The following MYO5B variants were observed in gnomAD, a reference collection of about 807,000 sequenced individuals.
The protein encoded by MYO5B is myosin VB, also known as unconventional myosin-Vb.
A neutral mutation model predicts 229.3 loss-of-function variants in MYO5B; 143 were observed. The ratio of observed to expected loss-of-function variants is 0.62; its 90% CI spans 0.54 to 0.72. The LOEUF is 0.72. Among genes scored for constraint, MYO5B ranks in the 30% least tolerant of loss-of-function variants. The probability of loss-of-function intolerance (pLI) is 0.00; values close to 1 mark genes in which losing one functional copy is unlikely to be tolerated. For synonymous variants in MYO5B, 918 were observed against 885.2 expected, an observed-to-expected ratio of 1.04 and a Z score of -0.66; for missense variants, 2,321 against 2,331.0, an observed-to-expected ratio of 1.00 and a Z score of 0.09.
At chr18:50,037,768 G>C (rs184127742) in intron 3 of MYO5B, among the ~76,000 whole-genome samples, 1 of 152,240 alleles carries the variant, frequency 6.6e-6, no homozygotes. Flanking sequence ...TGGTGGCATG[G>C]ACCTGTAGTC....
In MYO5B at chr18:49,925,737, A is replaced by G. The variant is rs148086366; in HGVS notation, c.2090+3775T>C. Among the ~76,000 whole-genome samples the G allele has an allele frequency of 4.1e-3, 622 of 152,356 alleles. 5 individuals are homozygous for G. Among genetic ancestry groups the G allele is most frequent in the African/African-American group, 0.015 (603 of 41,580 alleles). Reference sequence around the variant, plus strand: ...GCCCGTGGAAGATGGTTTGAAAACAAGTAGCTCCGCAGCTCCCTAAGGTCC... The same window carrying G: ...GCCCGTGGAAGATGGTTTGAAAACAGGTAGCTCCGCAGCTCCCTAAGGTCC... On this transcript the variant is annotated intron_variant, in intron 17 of 39. Transcript: ENST00000285039.
At chr18:49,862,666 T>C (rs1477833387) in intron 29 of MYO5B, among the ~76,000 whole-genome samples, 1 of 152,180 alleles carries the variant, frequency 6.6e-6, no homozygotes, top group African/African-American at 2.4e-5. Context: ...TAACCCTGGC[T>C]CAGCTTATTT....
At chr18:50,089,938 C>T (rs113456799) in intron 1 of MYO5B, among the ~76,000 whole-genome samples, 6 of 152,232 alleles carry the variant, frequency 3.9e-5, no homozygotes, top group South Asian at 2.1e-4. Flanking sequence ...TTTTCGAAGG[C>T]TACATGAATG....
intron 27 of MYO5B, among the ~76,000 whole-genome samples, chr18:49,864,849 T>C (rs1329416956): frequency 2.0e-5 from 3 of 152,230 alleles, no homozygotes; most frequent in Non-Finnish European, 4.4e-5. Context: ...GGAAGCATCA[T>C]TTTTGTCCCG....
intron 1 of MYO5B, among the ~76,000 whole-genome samples, chr18:50,153,795 AAGTG>A (rs546233830): frequency 3.9e-5 from 6 of 152,070 alleles, no homozygotes; most frequent in African/African-American, 9.6e-5. Flanking sequence ...TTGAGTGGGG[AAGTG>A]AGTGAGTGAG....
At chr18:49,828,754 G>C (rs1038670020) in intron 39 of MYO5B, among the ~76,000 whole-genome samples, 14 of 152,012 alleles carry the variant, frequency 9.2e-5, no homozygotes, top group African/African-American at 3.4e-4. Flanking sequence ...AATGAAAGCT[G>C]CAAAATCCAC....
chr18:49,902,743 T>A lies in MYO5B; in HGVS notation c.2662A>T (p.Ile888Phe). The A allele has an allele frequency of 6.2e-7, 1 of 1,608,920 alleles. No individual in the cohort carries two copies. The highest frequency in any genetic ancestry group is 8.5e-7 in the Non-Finnish European group (1 of 1,180,004). Residue 888 changes from isoleucine (I) to phenylalanine (F), a missense_variant, in exon 21 of 40, where the codon ATT becomes TTT. This residue lies in a region of MYO5B where 2,113 missense variants were observed against 2,044.7 expected (regional missense o/e 1.03). Transcript: ENST00000285039. ...ATCCGGAAGGCACACTGGATGACAA[T>A]GGCTGCATCCCGCAGCCGCTGGAAG... ...RHFQRLRDAA[I>F]VIQCAFRMLK...
chr18:49,877,912 T>C, intron 24 of MYO5B, 30 bp from the exon 25 acceptor site: 1 of 1,613,844 alleles, frequency 6.2e-7, no homozygotes, highest in Non-Finnish European at 8.5e-7. Context: ...TGATAGCTCA[T>C]TAGGAACTAA....
chr18:49,866,338 G>C (rs763437927), intron 27 of MYO5B, among the ~76,000 whole-genome samples: 5 of 152,076 alleles, frequency 3.3e-5, no homozygotes, highest in Admixed American at 3.3e-4. Context: ...CAAAGTGCTG[G>C]GATTACAGGC....
chr18:49,967,795 C>G (rs1351902212), intron 10 of MYO5B, among the ~76,000 whole-genome samples: 2 of 152,138 alleles, frequency 1.3e-5, no homozygotes, highest in Non-Finnish European at 2.9e-5. Context: ...CTGGCTGTAC[C>G]TTGGAATGGT....
intron 22 of MYO5B, among the ~76,000 whole-genome samples, chr18:49,894,530 A>G (rs969857491): frequency 1.3e-5 from 2 of 152,136 alleles, no homozygotes; most frequent in Admixed American, 6.5e-5. Flanking sequence ...CCTCCACCAA[A>G]GCACAGTGCT....
intron 1 of MYO5B, among the ~76,000 whole-genome samples, chr18:50,082,715 T>C (rs2031247802): frequency 1.3e-5 from 2 of 152,196 alleles, no homozygotes; most frequent in Admixed American, 6.5e-5. Context: ...CGCATGCTTA[T>C]TTTACTTCAG....
intron 21 of MYO5B, among the ~76,000 whole-genome samples, chr18:49,900,816 G>A (rs570521726): frequency 1.6e-4 from 24 of 152,332 alleles, no homozygotes; most frequent in African/African-American, 5.5e-4. Context: ...CAAAGTAACA[G>A]TGGGCCTCCA....
At chr18:49,902,437 G>A (rs929209078) in intron 21 of MYO5B, among the ~76,000 whole-genome samples, 157 bp downstream of exon 21, 1 of 152,212 alleles carries the variant, frequency 6.6e-6, no homozygotes, top group Non-Finnish European at 1.5e-5. Context: ...AGGGGTCACT[G>A]ATCTGCCTGC....
In MYO5B at chr18:50,077,831, C is replaced by T. The variant is rs181616064; in HGVS notation, c.28-22453G>A. On this transcript the variant is annotated intron_variant, in intron 1 of 39. Coordinates refer to ENST00000285039, the MANE Select transcript of MYO5B (RefSeq NM_001080467.3). ...CTGTAACCCAGGGACAAGACACCCT[C>T]TTCACCCTAAGGCCCACTGCAAGTT... is the stretch of plus-strand genomic sequence containing the variant. Among the ~76,000 whole-genome samples, 4 of 152,306 alleles carry T rather than the reference C, an allele frequency of 2.6e-5. No individual in the cohort carries two copies. The East Asian group carries it at 7.7e-4, about 29-fold the overall frequency.
intron 37 of MYO5B, 86 bp downstream of exon 37, chr18:49,837,431 A>C: frequency 6.6e-7 from 1 of 1,507,884 alleles, no homozygotes; most frequent in Non-Finnish European, 9.2e-7. Context: ...TTTCATTTTT[A>C]GAAACAGCAG....
At chr18:50,115,508 G>A (rs1033191693) in intron 1 of MYO5B, among the ~76,000 whole-genome samples, 2 of 149,550 alleles carry the variant, frequency 1.3e-5, no homozygotes, top group Admixed American at 1.4e-4. Context: ...TTGGTGGCCA[G>A]ACAAAAATAA....
chr18:49,963,792 G>T (rs752316942), intron 10 of MYO5B, among the ~76,000 whole-genome samples: 16 of 152,044 alleles, frequency 1.1e-4, no homozygotes, highest in Non-Finnish European at 1.9e-4. Context: ...TGTTCTGAAG[G>T]CATCAGTTTT....
intron 10 of MYO5B, among the ~76,000 whole-genome samples, chr18:49,963,323 A>G (rs2025582508): frequency 6.6e-6 from 1 of 152,220 alleles, no homozygotes; most frequent in Admixed American, 6.5e-5. Context: ...ACCACCAGTT[A>G]TATCTTGGTG....
Sources: gnomAD v4.1 joint callset for allele counts (sites outside exome capture counted in the v4.1 genomes callset) on GRCh38, gnomAD v4.1.1 for gene constraint, gnomAD v4.1.1 regional missense constraint, MANE v1.5 for transcripts, NCBI Gene and HGNC (gene_info 2026-07-23, HGNC 2026-07-21) for gene names.